The following BCR variants were observed in gnomAD, a reference collection of about 807,000 sequenced individuals.
The protein encoded by BCR is BCR activator of RhoGEF and GTPase.
A neutral mutation model predicts 138.6 loss-of-function variants in BCR; 58 were observed. The observed-to-expected ratio is 0.42, with a 90% CI of 0.34 to 0.52. The LOEUF (loss-of-function observed/expected upper bound fraction) is 0.52, where lower values mean the gene tolerates loss of function less well. Ranked by LOEUF, BCR falls within the 20% of genes least tolerant of loss-of-function variation. The pLI is 0.06. For missense variants in BCR, 1,599 were observed against 1,727.2 expected (o/e 0.93, Z 1.32); for synonymous variants, 786 against 730.1 (o/e 1.08, Z -1.23).
intron 2 of BCR, among the ~76,000 whole-genome samples, chr22:23,255,872 A>G (rs2073289473): frequency 1.3e-5 from 2 of 152,188 alleles, no homozygotes; most frequent in South Asian, 4.1e-4. Flanking sequence ...TGTCAGGTCC[A>G]GAGTTTCCAA....
chr22:23,233,825 G>T (rs1430011561), intron 1 of BCR, among the ~76,000 whole-genome samples: 2 of 132,944 alleles, frequency 1.5e-5, no homozygotes, highest in South Asian at 2.5e-4. Flanking sequence ...AAAAAAAAAA[G>T]AAGAACATGG....
rs2072224402 is a variant in BCR at position 23,180,567 on chromosome 22, A to AGGAGGCGGCGGC, written c.-391_-380dup. The AGGAGGCGGCGGC allele has an allele frequency of 1.5e-5, 1 of 65,392 alleles. No homozygotes were observed. Among genetic ancestry groups the AGGAGGCGGCGGC allele is most frequent in the African/African-American group, 1.4e-4 (1 of 7,016 alleles). 4.1% of individuals were successfully genotyped at this position (65,392 alleles called of 1,614,324 possible). ...GCCGGCTGGCTGAGCTTAGCGTCCG[A>AGGAGGCGGCGGC]GGAGGCGGCGGCGGCGGCGGCGGCA... On this transcript the variant is annotated 5_prime_UTR_variant, in exon 1 of 23. Transcript: ENST00000305877.
intron 16 of BCR, among the ~76,000 whole-genome samples, chr22:23,300,242 A>G (rs2073889476): frequency 6.6e-6 from 1 of 152,140 alleles, no homozygotes; most frequent in African/African-American, 2.4e-5. Context: ...GTTAACCTCT[A>G]GTCCACTTTC....
intron 1 of BCR, among the ~76,000 whole-genome samples, chr22:23,253,149 G>A (rs1391047561): frequency 6.6e-6 from 1 of 152,176 alleles, no homozygotes; most frequent in African/African-American, 2.4e-5. Context: ...TATGGAGGAG[G>A]TGCACAGAGG....
At chr22:23,212,749 A>G (rs2072701284) in intron 1 of BCR, among the ~76,000 whole-genome samples, 1 of 152,194 alleles carries the variant, frequency 6.6e-6, no homozygotes, top group Non-Finnish European at 1.5e-5. Context: ...TCTGATGGAG[A>G]GGGCATTTAT....
intron 1 of BCR, among the ~76,000 whole-genome samples, chr22:23,221,197 C>T (rs749669431): frequency 1.1e-4 from 16 of 152,158 alleles, no homozygotes; most frequent in Non-Finnish European, 2.2e-4. Context: ...TGGAGGATGG[C>T]GATGCAGATG....
chr22:23,196,861 C>T (rs1273478910), intron 1 of BCR, among the ~76,000 whole-genome samples: 2 of 152,204 alleles, frequency 1.3e-5, no homozygotes, highest in Non-Finnish European at 2.9e-5. Flanking sequence ...CCGCCTACCG[C>T]TCACCTCCAG....
At chr22:23,242,686 T>C in intron 1 of BCR, 1 of 273,724 alleles carries the variant, frequency 3.7e-6, no homozygotes, top group Non-Finnish European at 7.4e-6. Context: ...AGCCCTCTCC[T>C]GGGGGCTGGG....
At chr22:23,230,881 T>G (rs1024083385) in intron 1 of BCR, among the ~76,000 whole-genome samples, 1 of 152,056 alleles carries the variant, frequency 6.6e-6, no homozygotes, top group Non-Finnish European at 1.5e-5. Flanking sequence ...CCCACGCAGT[T>G]GTTTTGGACA....
At chr22:23,182,544 A>G (rs539166880) in intron 1 of BCR, among the ~76,000 whole-genome samples, 6 of 152,332 alleles carry the variant, frequency 3.9e-5, no homozygotes, top group African/African-American at 1.2e-4. Flanking sequence ...TTGAAGGAAG[A>G]TGCTTCAGGC....
intron 16 of BCR, among the ~76,000 whole-genome samples, chr22:23,297,170 G>A (rs762020754): frequency 1.1e-4 from 17 of 150,948 alleles, no homozygotes; most frequent in Non-Finnish European, 2.1e-4. Flanking sequence ...CCAAGTTGTT[G>A]GGATTACAGT....
rs867771631 is a variant in BCR, at chr22:23,314,643, A to G, written c.3655A>G (p.Ser1219Gly). 1.9e-6 allele frequency: 3 copies of G among 1,611,458 alleles called. No individual in the cohort carries two copies. The highest frequency in any genetic ancestry group is 4.5e-4 in the Middle Eastern group (2 of 4,430). The change falls in exon 22 of 23, where the codon AGC becomes GGC. Residue 1219 changes from serine (S) to glycine (G), a missense_variant. Coordinates refer to ENST00000305877, the MANE Select transcript of BCR (RefSeq NM_004327.4). ...GCTGCTCCGGCCCTCCGAGAAGGAG[A>G]GCAAGCTCCCTGCCAACCCCAGCCA... ...PTLLRPSEKE[S>G]KLPANPSQPI...
In BCR at chr22:23,217,297, C is replaced by T. The variant is rs564528666; in HGVS notation, c.1279+35058C>T. Among the ~76,000 whole-genome samples the T allele has an allele frequency of 2.0e-5, 3 of 152,340 alleles. No homozygotes were observed. In the South Asian group the frequency reaches 6.2e-4, roughly 32 times the overall value. On this transcript the variant is annotated intron_variant, in intron 1 of 22. Coordinates refer to ENST00000305877, the MANE Select transcript of BCR (RefSeq NM_004327.4). ...GTTCAAGATTGCTGGGGTGTCAGATCCACTGTTAGGTCCCATAAACTTGCA... is the reference window on the plus strand; with the variant it reads ...GTTCAAGATTGCTGGGGTGTCAGATTCACTGTTAGGTCCCATAAACTTGCA...
intron 1 of BCR, among the ~76,000 whole-genome samples, chr22:23,191,191 C>T (rs1000909232): frequency 1.8e-4 from 27 of 152,206 alleles, no homozygotes; most frequent in African/African-American, 5.5e-4. Context: ...CTCGGCCTCC[C>T]GAAGTGCTGG....
At chr22:23,246,219 G>A (rs1205090927) in intron 1 of BCR, among the ~76,000 whole-genome samples, 1 of 152,108 alleles carries the variant, frequency 6.6e-6, no homozygotes, top group African/African-American at 2.4e-5. Context: ...GAAGCCAGGA[G>A]TTCAAGACCA....
intron 1 of BCR, among the ~76,000 whole-genome samples, chr22:23,230,030 G>A (rs546630050): frequency 6.7e-6 from 1 of 150,326 alleles, no homozygotes; most frequent in Admixed American, 6.7e-5. Flanking sequence ...TGGTTAGAGA[G>A]AGCAAGCTTT....
chr22:23,247,641 C>T (rs991598620), intron 1 of BCR, among the ~76,000 whole-genome samples: 4 of 152,188 alleles, frequency 2.6e-5, no homozygotes, highest in African/African-American at 9.7e-5. Flanking sequence ...GATCTGGGGT[C>T]TCTCTAGGCA....
At chr22:23,186,775 C>A (rs532230375) in intron 1 of BCR, among the ~76,000 whole-genome samples, 2 of 152,118 alleles carry the variant, frequency 1.3e-5, no homozygotes. Flanking sequence ...GGCGTGATCT[C>A]TGCTTACTGC....
chr22:23,203,534 G>C (rs566897689), intron 1 of BCR, among the ~76,000 whole-genome samples: 4 of 152,170 alleles, frequency 2.6e-5, no homozygotes, highest in Non-Finnish European at 5.9e-5. Context: ...TGGGCTCCAC[G>C]GTAATTCCCG....
Sources: gnomAD v4.1 joint callset for allele counts (sites outside exome capture counted in the v4.1 genomes callset) on GRCh38, gnomAD v4.1.1 for gene constraint, MANE v1.5 for transcripts, NCBI Gene and HGNC (gene_info 2026-07-23, HGNC 2026-07-21) for gene names.